Variants in PIK3C2G observed in about 807,000 individuals in gnomAD.
PIK3C2G encodes the protein phosphatidylinositol-4-phosphate 3-kinase catalytic subunit type 2 gamma, also known as phosphatidylinositol 3-kinase C2 domain-containing subunit gamma.
Under a neutral mutation model 181.1 loss-of-function variants are expected in PIK3C2G, and 168 were observed. The observed-to-expected ratio is 0.93, with a 90% CI of 0.82 to 1.05. The LOEUF (loss-of-function observed/expected upper bound fraction) is 1.05. PIK3C2G is among the 50% of genes least tolerant of loss of function. PIK3C2G has a pLI of 0.00. For synonymous variants in PIK3C2G, 573 were observed against 592.2 expected (o/e 0.97, Z 0.47); for missense variants, 1,869 against 1,732.8 (o/e 1.08, Z -1.40).
intron 24 of PIK3C2G, among the ~76,000 whole-genome samples, chr12:18,517,905 C>T (rs1942653907): frequency 6.6e-6 from 1 of 152,100 alleles, no homozygotes; most frequent in Non-Finnish European, 1.5e-5. Context: ...AGATATGTTC[C>T]ATCAATACCA....
At chr12:18,253,802 C>G (rs548552860) in intron 1 of PIK3C2G, among the ~76,000 whole-genome samples, 54 of 151,714 alleles carry the variant, frequency 3.6e-4, no homozygotes, top group Non-Finnish European at 3.7e-4. Context: ...TGGTAACACA[C>G]AATGATTAGT....
chr12:18,429,531 A>T (rs1299297158), intron 18 of PIK3C2G, among the ~76,000 whole-genome samples: 1 of 152,004 alleles, frequency 6.6e-6, no homozygotes, highest in Non-Finnish European at 1.5e-5. Context: ...CAAACAGCAT[A>T]CTGTTCATGA....
chr12:18,399,031 T>C (rs1470328696), intron 15 of PIK3C2G, among the ~76,000 whole-genome samples: 4 of 148,922 alleles, frequency 2.7e-5, no homozygotes, highest in South Asian at 2.1e-4. Flanking sequence ...CCGTCTCTAC[T>C]AAAAATACAA....
chr12:18,432,981 C>CT (rs35947018), intron 18 of PIK3C2G, among the ~76,000 whole-genome samples: 19,861 of 148,118 alleles, frequency 0.13, 1,322 homozygotes, highest in African/African-American at 0.17. Flanking sequence ...GAAGATGTGA[C>CT]TTTTTTTTTT....
chr12:18,518,288 T>C (rs1942680376), intron 24 of PIK3C2G, among the ~76,000 whole-genome samples: 1 of 152,226 alleles, frequency 6.6e-6, no homozygotes, highest in Non-Finnish European at 1.5e-5. Flanking sequence ...CTAAATTGTT[T>C]GGAATAGTTT....
the PIK3C2G span, among the ~76,000 whole-genome samples, chr12:18,695,342 G>C: frequency 6.6e-6 from 1 of 152,150 alleles, no homozygotes; most frequent in Non-Finnish European, 1.5e-5. Context: ...ATCCAGTACA[G>C]ATTACAGAAT....
intron 8 of PIK3C2G, among the ~76,000 whole-genome samples, chr12:18,328,692 T>A (rs918536154): frequency 6.6e-6 from 1 of 152,016 alleles, no homozygotes; most frequent in African/African-American, 2.4e-5. Context: ...ATGTTTTAAA[T>A]AATTAATGAA....
the PIK3C2G span, among the ~76,000 whole-genome samples, chr12:18,706,157 G>A: frequency 6.6e-5 from 10 of 151,512 alleles, no homozygotes; most frequent in Non-Finnish European, 1.3e-4. Flanking sequence ...TGCTTGAACC[G>A]GGAGGTGGAG....
intron 18 of PIK3C2G, among the ~76,000 whole-genome samples, chr12:18,463,055 T>C (rs1433844109): frequency 1.3e-5 from 2 of 152,186 alleles, no homozygotes; most frequent in African/African-American, 4.8e-5. Context: ...CATGGGATAA[T>C]TCAGTAATTA....
chr12:18,551,127 A>G (rs1376954867), intron 26 of PIK3C2G, among the ~76,000 whole-genome samples: 2 of 151,960 alleles, frequency 1.3e-5, no homozygotes, highest in African/African-American at 4.8e-5. Context: ...GCTGGCCACA[A>G]ATGCTTTTCA....
chr12:18,625,794 T>A (rs113183821), intron 31 of PIK3C2G, among the ~76,000 whole-genome samples: 9 of 151,834 alleles, frequency 5.9e-5, no homozygotes, highest in African/African-American at 2.2e-4. Flanking sequence ...CTTTTTGCAG[T>A]TTTTTATTTA....
At chr12:18,545,479 T>G (rs1035628599) in intron 25 of PIK3C2G, among the ~76,000 whole-genome samples, 4 of 151,916 alleles carry the variant, frequency 2.6e-5, no homozygotes, top group South Asian at 4.1e-4. Flanking sequence ...TTTATCATCT[T>G]AGTCATAGAA....
At chr12:18,497,460 A>G (rs1941106098) in intron 21 of PIK3C2G, among the ~76,000 whole-genome samples, 159 bp from the exon 22 acceptor site, 1 of 152,198 alleles carries the variant, frequency 6.6e-6, no homozygotes, top group African/African-American at 2.4e-5. Context: ...TTTTTTTATC[A>G]GAAACACAAG....
chr12:18,572,054 T>G (rs1307671355), intron 29 of PIK3C2G, among the ~76,000 whole-genome samples: 1 of 144,722 alleles, frequency 6.9e-6, no homozygotes, highest in Admixed American at 6.8e-5. Context: ...TTGACTTATT[T>G]AAGTCTAAAA....
chr12:18,695,927 A>G, the PIK3C2G span, among the ~76,000 whole-genome samples: 1 of 151,988 alleles, frequency 6.6e-6, no homozygotes, highest in Non-Finnish European at 1.5e-5. Context: ...TCGTGAATTT[A>G]ACCACCATTC....
At chr12:18,517,879 A>G (rs1352955173) in intron 24 of PIK3C2G, among the ~76,000 whole-genome samples, 1 of 152,158 alleles carries the variant, frequency 6.6e-6, no homozygotes, top group Admixed American at 6.5e-5. Flanking sequence ...TGTCATAAAT[A>G]GCTCTTATTA....
the PIK3C2G span, among the ~76,000 whole-genome samples, chr12:18,673,706 C>A: frequency 1.3e-5 from 2 of 152,178 alleles, no homozygotes; most frequent in Non-Finnish European, 2.9e-5. Context: ...TCTCACAAGG[C>A]TACAAAGGGT....
At chr12:18,527,025 A>G (rs540442193) in intron 24 of PIK3C2G, among the ~76,000 whole-genome samples, 1 of 152,302 alleles carries the variant, frequency 6.6e-6, no homozygotes, top group South Asian at 2.1e-4. Flanking sequence ...GATGACTGAG[A>G]AGGGAAAAAT....
intron 29 of PIK3C2G, among the ~76,000 whole-genome samples, chr12:18,574,625 T>C (rs11044198): frequency 0.13 from 19,379 of 152,200 alleles, 3,457 homozygotes; most frequent in African/African-American, 0.4. Context: ...GATTAAATGC[T>C]AGCAGCACTT....
Sources: gnomAD v4.1 joint callset for allele counts (sites outside exome capture counted in the v4.1 genomes callset) on GRCh38, gnomAD v4.1.1 for gene constraint, MANE v1.5 for transcripts, NCBI Gene and HGNC (gene_info 2026-07-23, HGNC 2026-07-21) for gene names.